Variants in TBC1D23 observed in about 807,000 individuals in gnomAD.
TBC1D23 encodes the protein HCV non-structural protein 4A-transactivated protein 1.
Under a neutral mutation model 91.4 loss-of-function variants are expected in TBC1D23, and 55 were observed. The observed-to-expected ratio is 0.60, with a 90% CI of 0.48 to 0.75. The LOEUF is 0.75. TBC1D23 is among the 30% of genes least tolerant of loss of function. TBC1D23 has a pLI of 0.00. For synonymous variants in TBC1D23, 289 were observed against 281.0 expected, an observed-to-expected ratio of 1.03 and a Z score of -0.28; for missense variants, 725 against 836.1, an observed-to-expected ratio of 0.87 and a Z score of 1.64.
chr3:100,311,614 T>C (rs921457629), intron 14 of TBC1D23, among the ~76,000 whole-genome samples: 2 of 152,222 alleles, frequency 1.3e-5, no homozygotes, highest in African/African-American at 4.8e-5. Context: ...TTATTTGTTT[T>C]AAAATGTACT....
At chr3:100,305,019 A>C in intron 12 of TBC1D23, 131 bp downstream of exon 12, 1 of 554,480 alleles carries the variant, frequency 1.8e-6, no homozygotes, top group African/African-American at 2.0e-5. Flanking sequence ...ATTTTCAGAA[A>C]AGGCAAGGCC....
intron 9 of TBC1D23, 52 bp downstream of exon 9, chr3:100,298,097 G>C: frequency 6.6e-7 from 1 of 1,525,310 alleles, no homozygotes; most frequent in Non-Finnish European, 9.0e-7. Context: ...TAAATACAAG[G>C]AACCAACTTC....
chr3:100,279,981 C>T (rs1360662570), intron 2 of TBC1D23, among the ~76,000 whole-genome samples: 1 of 152,030 alleles, frequency 6.6e-6, no homozygotes, highest in Non-Finnish European at 1.5e-5. Context: ...GCTTTTGTAG[C>T]CATTAGAAAT....
intron 1 of TBC1D23, among the ~76,000 whole-genome samples, chr3:100,262,142 G>C (rs2067516354): frequency 6.6e-6 from 1 of 152,224 alleles, no homozygotes; most frequent in Non-Finnish European, 1.5e-5. Context: ...CAAGGTGTCA[G>C]AGGAAAACTT....
intron 4 of TBC1D23, among the ~76,000 whole-genome samples, chr3:100,284,603 G>A (rs1474075256): frequency 5.3e-5 from 8 of 152,090 alleles, no homozygotes; most frequent in Admixed American, 5.2e-4. Flanking sequence ...GGTCAGGGAT[G>A]GCTTTCCCAT....
At chr3:100,299,148 G>C (rs1339244056) in intron 9 of TBC1D23, 91 bp from the exon 10 acceptor site, 7 of 775,062 alleles carry the variant, frequency 9.0e-6, no homozygotes, top group Non-Finnish European at 1.3e-5. Flanking sequence ...TAATGAACTT[G>C]TTCCCTTTAT....
rs201597823 is a variant in TBC1D23, at chr3:100,283,687, C to T, written c.352C>T (p.Arg118Cys). 63 of 1,611,762 alleles carry T rather than the reference C, an allele frequency of 3.9e-5. No homozygotes were observed. The highest frequency in any genetic ancestry group is 4.6e-5 in the Non-Finnish European group (54 of 1,177,858). Residue 118 changes from arginine (R) to cysteine (C), a missense_variant, in exon 4 of 19, where the codon CGT becomes TGT. Transcript: ENST00000394144. ...ESVITFYCKS[R>C]NIKYSTSLSW... ...TGTAATTACCTTTTATTGTAAATCA[C>T]GTAACATTAAATATAGCACATCCCT...
chr3:100,282,947 T>G (rs1246810526), intron 3 of TBC1D23, among the ~76,000 whole-genome samples: 1 of 152,254 alleles, frequency 6.6e-6, no homozygotes, highest in Non-Finnish European at 1.5e-5. Flanking sequence ...TAATGTTTAG[T>G]AAATACTGAA....
intron 9 of TBC1D23, among the ~76,000 whole-genome samples, chr3:100,298,825 G>T (rs141141221): frequency 6.6e-6 from 1 of 152,126 alleles, no homozygotes; most frequent in African/African-American, 2.4e-5. Flanking sequence ...CCCCCCACAC[G>T]AAATAGATGT....
intron 16 of TBC1D23, among the ~76,000 whole-genome samples, chr3:100,318,141 T>G (rs1000094761): frequency 2.0e-5 from 3 of 152,106 alleles, no homozygotes; most frequent in Non-Finnish European, 2.9e-5. Flanking sequence ...CACTTTTGTT[T>G]AAGCTGGTGT....
intron 15 of TBC1D23, 51 bp from the exon 16 acceptor site, chr3:100,316,047 CT>C: frequency 7.1e-7 from 1 of 1,413,324 alleles, no homozygotes; most frequent in Non-Finnish European, 1.0e-6. Flanking sequence ...TGGTAAAAAT[CT>C]TTGATAACTT....
intron 1 of TBC1D23, among the ~76,000 whole-genome samples, chr3:100,274,567 C>T (rs2067629002): frequency 6.6e-6 from 1 of 151,904 alleles, no homozygotes; most frequent in African/African-American, 2.4e-5. Flanking sequence ...AAGAGCTCCT[C>T]ATTCTCCCCT....
chr3:100,304,261 G>T (rs376313626), intron 11 of TBC1D23, among the ~76,000 whole-genome samples: 1 of 152,168 alleles, frequency 6.6e-6, no homozygotes, highest in African/African-American at 2.4e-5. Flanking sequence ...CTGTAAGCCA[G>T]TAGTTTAGAG....
At chr3:100,301,961 T>C (rs1705441611) in intron 10 of TBC1D23, 106 bp from the exon 11 acceptor site, 1 of 749,054 alleles carries the variant, frequency 1.3e-6, no homozygotes, top group Non-Finnish European at 2.2e-6. Flanking sequence ...TTCATTTTCA[T>C]TGTGGCTCTT....
chr3:100,309,653 G>A (rs13079423), intron 13 of TBC1D23, among the ~76,000 whole-genome samples: 33,586 of 136,454 alleles, frequency 0.25, 4,295 homozygotes, highest in East Asian at 0.5. Flanking sequence ...GCTCTGTCGC[G>A]CAGACTGGAG....
At chr3:100,314,536 G>A (rs1249039455) in intron 15 of TBC1D23, among the ~76,000 whole-genome samples, 1 of 152,168 alleles carries the variant, frequency 6.6e-6, no homozygotes, top group Non-Finnish European at 1.5e-5. Flanking sequence ...GGGAGGCTGA[G>A]GTGGGAGGAT....
At chr3:100,317,068 C>T (rs1461971543) in intron 16 of TBC1D23, among the ~76,000 whole-genome samples, 1 of 144,732 alleles carries the variant, frequency 6.9e-6, no homozygotes, top group Non-Finnish European at 1.5e-5. Context: ...GGTGACACAG[C>T]AAGACTCTGT....
chr3:100,296,081 A>G lies in TBC1D23; in HGVS notation c.773-91A>G, dbSNP rs180970845. 2.5e-5 allele frequency: 16 copies of G among 652,520 alleles called. No individual in the cohort carries two copies. The Admixed American group carries it at 4.6e-4, about 19-fold the overall frequency. 40.4% of individuals were successfully genotyped at this position (652,520 alleles called of 1,614,324 possible). On this transcript the variant is annotated intron_variant, in intron 7 of 18. Transcript: ENST00000394144. ...ACCAGTGTTGAGACTCCATTTGCAT[A>G]GTATTTATGATGAAGATATTTCGGC...
At chr3:100,320,115 C>T (rs146630640) in intron 17 of TBC1D23, among the ~76,000 whole-genome samples, 1 of 152,112 alleles carries the variant, frequency 6.6e-6, no homozygotes, top group Admixed American at 6.5e-5. Flanking sequence ...CAGAACTCAT[C>T]CCCCCACCCC....
Sources: allele counts gnomAD v4.1 joint callset (sites outside exome capture counted in the v4.1 genomes callset), GRCh38; gene constraint gnomAD v4.1.1; transcripts MANE v1.5; gene names NCBI Gene and HGNC (gene_info 2026-07-23, HGNC 2026-07-21).